The following TAF4B variants were observed in gnomAD, a reference collection of about 807,000 sequenced individuals.
The protein encoded by TAF4B is TATA-box binding protein associated factor 4b.
In TAF4B, 38 loss-of-function variants were observed where a neutral mutation model predicts 86.4. The ratio of observed to expected loss-of-function variants is 0.44; its 90% CI spans 0.34 to 0.58. TAF4B has a LOEUF of 0.58. TAF4B is among the 20% of genes least tolerant of loss of function. The pLI, the probability that TAF4B is intolerant of heterozygous loss-of-function variation, is 0.02. For missense variants in TAF4B, 988 were observed against 1,027.6 expected (o/e 0.96, Z 0.53); for synonymous variants, 388 against 391.2 (o/e 0.99, Z 0.10).
At chr18:26,245,100 C>T (rs2055902598) in intron 1 of TAF4B, among the ~76,000 whole-genome samples, 1 of 152,152 alleles carries the variant, frequency 6.6e-6, no homozygotes, top group Admixed American at 6.5e-5. Context: ...AGCCTGACAC[C>T]CGTGTCTTTA....
intron 1 of TAF4B, among the ~76,000 whole-genome samples, chr18:26,245,117 C>T (rs567577152): frequency 8.4e-4 from 128 of 152,130 alleles, no homozygotes; most frequent in Non-Finnish European, 1.4e-3. Flanking sequence ...TTTAGTCTGG[C>T]GGCCATGCTA....
At chr18:26,266,103 A>G (rs936425475) in intron 2 of TAF4B, 7 of 151,862 alleles carry the variant, frequency 4.6e-5, no homozygotes, top group African/African-American at 1.7e-4. Context: ...ATTTTTGGTA[A>G]AATAGTAATA....
chr18:26,305,782 G>A (rs1263283193), intron 9 of TAF4B, among the ~76,000 whole-genome samples: 2 of 151,802 alleles, frequency 1.3e-5, no homozygotes, highest in African/African-American at 2.4e-5. Context: ...CCTTTTTATC[G>A]AAGGTATCTT....
chr18:26,346,804 T>C (rs2057190853), intron 13 of TAF4B, among the ~76,000 whole-genome samples: 1 of 17,186 alleles, frequency 5.8e-5, no homozygotes, highest in Admixed American at 4.0e-4. Flanking sequence ...TATATGTGTA[T>C]ATATATATAT....
intron 11 of TAF4B, among the ~76,000 whole-genome samples, chr18:26,321,836 C>T (rs2144677410): frequency 6.6e-6 from 1 of 152,160 alleles, no homozygotes; most frequent in Non-Finnish European, 1.5e-5. Flanking sequence ...TGTTCATCCT[C>T]TGTTCCTTTT....
At chr18:26,284,825 C>T (rs898172758) in intron 6 of TAF4B, among the ~76,000 whole-genome samples, 8 of 152,090 alleles carry the variant, frequency 5.3e-5, no homozygotes, top group South Asian at 2.1e-4. Flanking sequence ...GCCGAGATCA[C>T]GCCACTGCAC....
chr18:26,285,834 G>C (rs750213248), intron 6 of TAF4B, 48 bp from the exon 7 acceptor site: 6 of 1,556,956 alleles, frequency 3.9e-6, no homozygotes. Context: ...TGTTTCACAA[G>C]TAGCTGATTT....
At chr18:26,292,086 C>T in intron 7 of TAF4B, 160 bp from the exon 8 acceptor site, 1 of 645,186 alleles carries the variant, frequency 1.5e-6, no homozygotes, top group South Asian at 3.7e-5. Flanking sequence ...CACTTTTGAA[C>T]AAGATAATTT....
intron 1 of TAF4B, among the ~76,000 whole-genome samples, chr18:26,252,469 C>T (rs2056020251): frequency 6.6e-6 from 1 of 152,070 alleles, no homozygotes; most frequent in Non-Finnish European, 1.5e-5. Flanking sequence ...TTCATTTACC[C>T]ATGGTCAACT....
chr18:26,229,494 C>CTTTTTTTTTTTTTTTT (rs34261854), intron 1 of TAF4B, among the ~76,000 whole-genome samples: 1 of 129,376 alleles, frequency 7.7e-6, no homozygotes, highest in Non-Finnish European at 1.6e-5. Context: ...TTCTTTCTTT[C>CTTTTTTTTTTTTTTTT]TTTTTTTTTT....
chr18:26,261,410 C>T (rs1015139644), intron 1 of TAF4B, among the ~76,000 whole-genome samples: 12 of 152,080 alleles, frequency 7.9e-5, no homozygotes, highest in East Asian at 5.8e-4. Context: ...CCGTTTTAGC[C>T]GGGATGGTCT....
At chr18:26,246,077 T>G (rs2144484613) in intron 1 of TAF4B, among the ~76,000 whole-genome samples, 1 of 152,350 alleles carries the variant, frequency 6.6e-6, no homozygotes, top group Non-Finnish European at 1.5e-5. Context: ...AAAAATTGTT[T>G]AAATATGTAA....
intron 1 of TAF4B, chr18:26,256,439 C>A: frequency 2.6e-6 from 2 of 778,724 alleles, no homozygotes; most frequent in Non-Finnish European, 4.5e-6. Context: ...CACGCCAGGC[C>A]AGTCCCCCTC....
At chr18:26,237,725 A>G (rs949860234) in intron 1 of TAF4B, among the ~76,000 whole-genome samples, 2 of 152,204 alleles carry the variant, frequency 1.3e-5, no homozygotes, top group Non-Finnish European at 2.9e-5. Context: ...TCTTACAGAA[A>G]AGGTCAAACT....
chr18:26,272,729 T>G (rs902658756), intron 3 of TAF4B, among the ~76,000 whole-genome samples: 6 of 152,082 alleles, frequency 3.9e-5, no homozygotes, highest in Admixed American at 3.9e-4. Context: ...TAATGACTGA[T>G]TATAAGATAG....
intron 6 of TAF4B, among the ~76,000 whole-genome samples, chr18:26,284,489 G>GA (rs1358289447): frequency 6.6e-6 from 1 of 152,182 alleles, no homozygotes; most frequent in African/African-American, 2.4e-5. Flanking sequence ...CTAAACAAAT[G>GA]AAAACTCCAG....
At chr18:26,250,706 A>C (rs2055993997) in intron 1 of TAF4B, among the ~76,000 whole-genome samples, 1 of 152,186 alleles carries the variant, frequency 6.6e-6, no homozygotes, top group Non-Finnish European at 1.5e-5. Context: ...CTGTGGGTTT[A>C]GTTTTTGTCT....
At chr18:26,380,291 A>G (rs552478853) in intron 14 of TAF4B, among the ~76,000 whole-genome samples, 3 of 152,322 alleles carry the variant, frequency 2.0e-5, no homozygotes, top group Non-Finnish European at 2.9e-5. Context: ...ATTTAAAGCT[A>G]TACAATTCCA....
intron 8 of TAF4B, among the ~76,000 whole-genome samples, 163 bp downstream of exon 8, chr18:26,292,544 C>T (rs1336109713): frequency 6.6e-6 from 1 of 152,178 alleles, no homozygotes; most frequent in South Asian, 2.1e-4. Flanking sequence ...TCTCCCCAGA[C>T]GGAGTCTTGC....
Sources: gnomAD v4.1 joint callset for allele counts (sites outside exome capture counted in the v4.1 genomes callset) on GRCh38, gnomAD v4.1.1 for gene constraint, MANE v1.5 for transcripts, NCBI Gene and HGNC (gene_info 2026-07-23, HGNC 2026-07-21) for gene names.